Variants in SOX6 observed in about 807,000 individuals in gnomAD.
The protein encoded by SOX6 is SRY-box transcription factor 6, also known as transcription factor SOX-6.
SOX6 carries 11 observed loss-of-function variants against 97.8 expected under a neutral mutation model. That is an observed-to-expected ratio of 0.11 (90% CI 0.07 to 0.19). The LOEUF (loss-of-function observed/expected upper bound fraction) is 0.19, where lower values mean the gene tolerates loss of function less well. Ranked by LOEUF, SOX6 falls within the 10% of genes least tolerant of loss-of-function variation. SOX6 has a pLI of 1.00. For missense variants in SOX6, 810 were observed against 1,039.5 expected, an observed-to-expected ratio of 0.78 and a Z score of 3.04; for synonymous variants, 360 against 371.4, an observed-to-expected ratio of 0.97 and a Z score of 0.35.
chr11:16,159,783 G>C (rs981375304), intron 6 of SOX6, among the ~76,000 whole-genome samples: 1 of 152,084 alleles, frequency 6.6e-6, no homozygotes, highest in Non-Finnish European at 1.5e-5. Context: ...CTTTTGATAA[G>C]TCTGTTTCTA....
intron 10 of SOX6, among the ~76,000 whole-genome samples, chr11:16,052,039 T>C (rs2133916412): frequency 6.6e-6 from 1 of 152,290 alleles, no homozygotes; most frequent in South Asian, 2.1e-4. Context: ...ACATTTGATT[T>C]AGGTTTTTCA....
At chr11:16,591,324 T>TAGATAGATAGAC (rs764523662) in intron 4 of SOX6, among the ~76,000 whole-genome samples, 2,123 of 73,404 alleles carry the variant, frequency 0.029, 17 homozygotes, top group Non-Finnish European at 0.032. Flanking sequence ...GATACATAGA[T>TAGATAGATAGAC]AGATAGATAG....
intron 1 of SOX6, among the ~76,000 whole-genome samples, chr11:16,375,904 C>G (rs1366859198): frequency 4.6e-5 from 7 of 152,064 alleles, no homozygotes; most frequent in Non-Finnish European, 1.0e-4. Context: ...AAGCTGGAAA[C>G]CATCATTCTC....
intron 1 of SOX6, among the ~76,000 whole-genome samples, chr11:16,348,376 C>A (rs896204167): frequency 1.3e-5 from 2 of 152,068 alleles, no homozygotes; most frequent in Non-Finnish European, 2.9e-5. Flanking sequence ...TAGTGATCAG[C>A]AAAGTGCAAA....
At chr11:16,315,797 C>G (rs1855743707) in intron 3 of SOX6, 1 of 152,146 alleles carries the variant, frequency 6.6e-6, no homozygotes, top group Admixed American at 6.6e-5. Flanking sequence ...CCTTGATTTG[C>G]TTTTCTCTGG....
chr11:16,054,840 A>G (rs1259627816), intron 10 of SOX6, among the ~76,000 whole-genome samples: 1 of 152,182 alleles, frequency 6.6e-6, no homozygotes, highest in Non-Finnish European at 1.5e-5. Context: ...TCAATATAGA[A>G]AGCAACTGCA....
Position 16,301,874 on chromosome 11 carries a change from T to C in SOX6, c.445+16572A>G, listed in dbSNP as rs1399009966. 2.6e-5 allele frequency among the ~76,000 whole-genome samples: 4 copies of C among 152,198 alleles called. No individual in the cohort carries two copies. In the East Asian group the frequency reaches 7.7e-4, roughly 29 times the overall value. ...GTCAGTCAATCGTACTTCTGCCTGC[T>C]AGATGTATTCCACCTTCATGGAATA... On this transcript the variant is annotated intron_variant, in intron 3 of 15. Coordinates refer to ENST00000683767, the MANE Select transcript of SOX6 (RefSeq NM_001367873.1).
intron 1 of SOX6, among the ~76,000 whole-genome samples, chr11:16,366,944 T>C (rs912643758): frequency 6.6e-6 from 1 of 152,144 alleles, no homozygotes; most frequent in African/African-American, 2.4e-5. Context: ...ATAACTCTTA[T>C]AAAGATAACT....
intron 1 of SOX6, among the ~76,000 whole-genome samples, chr11:16,374,488 A>T (rs920496205): frequency 3.3e-5 from 5 of 152,070 alleles, no homozygotes; most frequent in African/African-American, 1.2e-4. Context: ...CATTTATGCA[A>T]TTGGTATTTC....
intron 1 of SOX6, among the ~76,000 whole-genome samples, chr11:16,425,704 A>C (rs1859114213): frequency 6.6e-6 from 1 of 152,224 alleles, no homozygotes; most frequent in Non-Finnish European, 1.5e-5. Context: ...ATCAGGAACA[A>C]ACTCCTATTC....
chr11:16,534,190 A>G lies in SOX6; in HGVS notation n.610-57802T>C, dbSNP rs116935361. Among the ~76,000 whole-genome samples, 538 of 152,276 alleles carry G rather than the reference A, an allele frequency of 3.5e-3. 3 individuals carry two copies. The highest frequency in any genetic ancestry group is 5.6e-3 in the Non-Finnish European group (380 of 67,992). On this transcript the variant is annotated intron_variant and non_coding_transcript_variant, in intron 4 of 5. Transcript: ENST00000524520. ...CATCTCTTAATCTATATATCATACA[A>G]TATTGGTTGGTGATGCAAAAGTCTT...
intron 1 of SOX6, chr11:16,402,959 A>G: frequency 2.4e-6 from 2 of 836,526 alleles, no homozygotes; most frequent in Non-Finnish European, 3.7e-6. Context: ...AAGGTGGGGG[A>G]GAAACACAAG....
chr11:16,599,654 AT>A (rs916638785), intron 4 of SOX6, among the ~76,000 whole-genome samples: 11 of 152,270 alleles, frequency 7.2e-5, no homozygotes, highest in East Asian at 5.8e-4. Flanking sequence ...TTAAAAAAGG[AT>A]TTTTTTCCAA....
At chr11:16,391,971 T>C (rs1486024249) in intron 1 of SOX6, among the ~76,000 whole-genome samples, 5 of 152,122 alleles carry the variant, frequency 3.3e-5, no homozygotes, top group Admixed American at 2.0e-4. Flanking sequence ...ATAACTCAGA[T>C]GTCTAGCAAT....
At chr11:16,294,863 AT>A (rs1855025086) in intron 3 of SOX6, among the ~76,000 whole-genome samples, 1 of 152,148 alleles carries the variant, frequency 6.6e-6, no homozygotes, top group Non-Finnish European at 1.5e-5. Context: ...TCTCCTTTTC[AT>A]TTAATAGTAG....
At chr11:15,992,586 T>C (rs1442998130) in intron 13 of SOX6, among the ~76,000 whole-genome samples, 1 of 152,108 alleles carries the variant, frequency 6.6e-6, no homozygotes, top group Non-Finnish European at 1.5e-5. Flanking sequence ...AATTTGCATA[T>C]AAAAATGGTC....
At chr11:16,668,058 G>C (rs1444893848) in intron 3 of SOX6, among the ~76,000 whole-genome samples, 1 of 152,084 alleles carries the variant, frequency 6.6e-6, no homozygotes, top group African/African-American at 2.4e-5. Context: ...GATAGTATTT[G>C]CAAGCCTCAT....
chr11:16,389,772 T>C (rs1858107180), intron 1 of SOX6, among the ~76,000 whole-genome samples: 2 of 151,434 alleles, frequency 1.3e-5, no homozygotes, highest in South Asian at 4.2e-4. Flanking sequence ...ATCGAGACCA[T>C]CCCGGCTAAC....
Position 16,595,129 on chromosome 11 carries a change from CT to C in SOX6, n.609+16951del, listed in dbSNP as rs199517336. Among the ~76,000 whole-genome samples, 1,191 of 152,180 alleles carry C rather than the reference CT, an allele frequency of 7.8e-3. 14 individuals are homozygous for C. Among genetic ancestry groups the C allele is most frequent in the African/African-American group, 0.027 (1,137 of 41,528 alleles). The stretch of plus-strand genomic sequence containing the variant: ...AAACTGTTTTCTATAAATTTCACGT[CT>C]TTTTCCCCCTCCTTTACTAAATTTC... On this transcript the variant is annotated intron_variant and non_coding_transcript_variant, in intron 4 of 5. Coordinates refer to the SOX6 transcript ENST00000524520.
Sources: gnomAD v4.1 joint callset for allele counts (sites outside exome capture counted in the v4.1 genomes callset) on GRCh38, gnomAD v4.1.1 for gene constraint, MANE v1.5 for transcripts, NCBI Gene and HGNC (gene_info 2026-07-23, HGNC 2026-07-21) for gene names.